Variants in CNTNAP2 observed in about 807,000 individuals in gnomAD.
CNTNAP2 encodes contactin associated protein 2.
CNTNAP2 carries 98 observed loss-of-function variants against 155.2 expected under a neutral mutation model. That is an observed-to-expected ratio of 0.63 (90% CI 0.54 to 0.75). The LOEUF is 0.75. Ranked by LOEUF, CNTNAP2 falls within the 30% of genes least tolerant of loss-of-function variation. The pLI, the probability that CNTNAP2 is intolerant of heterozygous loss-of-function variation, is 0.00. For synonymous variants in CNTNAP2, 651 were observed against 631.2 expected, an observed-to-expected ratio of 1.03 and a Z score of -0.47; for missense variants, 1,727 against 1,688.1, an observed-to-expected ratio of 1.02 and a Z score of -0.40.
At chr7:148,084,641 A>G (rs1176243556) in intron 15 of CNTNAP2, among the ~76,000 whole-genome samples, 1 of 152,194 alleles carries the variant, frequency 6.6e-6, no homozygotes, top group Non-Finnish European at 1.5e-5. Context: ...CTGAAATTAT[A>G]TTACTTGCTT....
chr7:146,277,667 C>T lies in CNTNAP2; in HGVS notation c.97+160694C>T, dbSNP rs556760301. ...TATATTTGTTTAATCTTACAGGAAA[C>T]TTCCCATCATTTCCTAAGGCTGAAA... On this transcript the variant is annotated intron_variant, in intron 1 of 23. Transcript: ENST00000361727. 2.0e-3 allele frequency among the ~76,000 whole-genome samples: 307 copies of T among 152,250 alleles called. 3 individuals are homozygous for T. The highest frequency in any genetic ancestry group is 6.9e-3 in the African/African-American group (288 of 41,542).
chr7:147,930,609 T>C (rs1800483475), intron 14 of CNTNAP2, among the ~76,000 whole-genome samples: 1 of 152,062 alleles, frequency 6.6e-6, no homozygotes. Context: ...AAGAAAGAAA[T>C]ACAATATTAG....
At chr7:147,867,611 A>C (rs1435477714) in intron 13 of CNTNAP2, among the ~76,000 whole-genome samples, 1 of 152,080 alleles carries the variant, frequency 6.6e-6, no homozygotes, top group Non-Finnish European at 1.5e-5. Flanking sequence ...TGGTCTTTTC[A>C]CATAGTCCCA....
chr7:146,911,080 G>A (rs940561779), intron 3 of CNTNAP2, among the ~76,000 whole-genome samples: 1 of 152,064 alleles, frequency 6.6e-6, no homozygotes, highest in Non-Finnish European at 1.5e-5. Context: ...GGCCATCAGA[G>A]AAATGCAAAT....
At chr7:147,117,063 G>T (rs1034744447) in intron 5 of CNTNAP2, among the ~76,000 whole-genome samples, 3 of 152,128 alleles carry the variant, frequency 2.0e-5, no homozygotes, top group Admixed American at 2.0e-4. Context: ...TTCTTGTAGG[G>T]TGCCATGGAA....
chr7:147,786,011 G>T (rs535253412), intron 13 of CNTNAP2, among the ~76,000 whole-genome samples: 2 of 150,912 alleles, frequency 1.3e-5, no homozygotes, highest in Admixed American at 6.6e-5. Flanking sequence ...GAAAAGAAAG[G>T]CCAGGCACGG....
intron 10 of CNTNAP2, among the ~76,000 whole-genome samples, chr7:147,472,204 C>CTTTTTTTTTTTTTTTTTTTTTTTTTTTTT (rs542047274): frequency 2.5e-5 from 2 of 81,068 alleles, no homozygotes; most frequent in African/African-American, 1.0e-4. Flanking sequence ...TCTTTTTTTC[C>CTTTTTTTTTTTTTTTTTTTTTTTTTTTTT]TTTTTTTTTT....
At chr7:147,768,593 A>C (rs1460425411) in intron 13 of CNTNAP2, among the ~76,000 whole-genome samples, 1 of 152,108 alleles carries the variant, frequency 6.6e-6, no homozygotes, top group Non-Finnish European at 1.5e-5. Flanking sequence ...TTAAAATAGC[A>C]TTTCTTTAAA....
chr7:148,251,039 A>G (rs778258379), intron 20 of CNTNAP2, among the ~76,000 whole-genome samples: 2 of 152,044 alleles, frequency 1.3e-5, no homozygotes, highest in African/African-American at 2.4e-5. Context: ...CCCTTGTTCT[A>G]TTATTACCTC....
chr7:147,441,723 T>A (rs1797637977), intron 10 of CNTNAP2, among the ~76,000 whole-genome samples: 1 of 152,076 alleles, frequency 6.6e-6, no homozygotes, highest in Non-Finnish European at 1.5e-5. Flanking sequence ...ATCTTGATCG[T>A]CTTAAAGAAG....
At chr7:147,733,172 C>A (rs948528164) in intron 13 of CNTNAP2, among the ~76,000 whole-genome samples, 1 of 152,196 alleles carries the variant, frequency 6.6e-6, no homozygotes, top group Non-Finnish European at 1.5e-5. Context: ...TTAGGTCTAA[C>A]ATTTAAGTCT....
intron 12 of CNTNAP2, among the ~76,000 whole-genome samples, chr7:147,579,190 T>C (rs1312657869): frequency 6.6e-6 from 1 of 152,094 alleles, no homozygotes; most frequent in Non-Finnish European, 1.5e-5. Flanking sequence ...TGGGGTTTTA[T>C]CAGATAGCAG....
At chr7:147,049,223 A>T (rs10231633) in intron 4 of CNTNAP2, among the ~76,000 whole-genome samples, 30,683 of 152,190 alleles carry the variant, frequency 0.2, 3,342 homozygotes, top group East Asian at 0.35. Context: ...CATTCATACC[A>T]CAGCGTACAC....
chr7:147,857,827 A>G (rs192350388), intron 13 of CNTNAP2, among the ~76,000 whole-genome samples: 8 of 152,346 alleles, frequency 5.3e-5, no homozygotes, highest in African/African-American at 1.7e-4. Flanking sequence ...TCTCTAATAC[A>G]AATTACATTC....
intron 3 of CNTNAP2, among the ~76,000 whole-genome samples, chr7:146,841,065 C>G (rs759460684): frequency 6.6e-6 from 1 of 152,182 alleles, no homozygotes; most frequent in African/African-American, 2.4e-5. Context: ...AAGTGCTTAT[C>G]AAGCCTGAAT....
At chr7:148,364,689 T>C (rs929091821) in intron 21 of CNTNAP2, among the ~76,000 whole-genome samples, 1 of 152,180 alleles carries the variant, frequency 6.6e-6, no homozygotes, top group African/African-American at 2.4e-5. Context: ...GCTCAGGGAT[T>C]GTAAACGCAC....
chr7:147,996,547 A>C (rs1801807747), intron 15 of CNTNAP2, among the ~76,000 whole-genome samples: 1 of 152,208 alleles, frequency 6.6e-6, no homozygotes, highest in Admixed American at 6.5e-5. Flanking sequence ...CCTCATCTGT[A>C]AAATAGAAAT....
chr7:147,991,134 A>C (rs1801704524), intron 15 of CNTNAP2, among the ~76,000 whole-genome samples: 1 of 152,164 alleles, frequency 6.6e-6, no homozygotes, highest in Non-Finnish European at 1.5e-5. Flanking sequence ...ACCTGGGACA[A>C]AGACCAAATT....
chr7:146,408,955 A>G (rs1164095289), intron 1 of CNTNAP2, among the ~76,000 whole-genome samples: 2 of 152,140 alleles, frequency 1.3e-5, no homozygotes, highest in Non-Finnish European at 2.9e-5. Flanking sequence ...TTAGCTTCAG[A>G]ACCCAGCCTT....
Sources: gnomAD v4.1 joint callset for allele counts (sites outside exome capture counted in the v4.1 genomes callset) on GRCh38, gnomAD v4.1.1 for gene constraint, MANE v1.5 for transcripts, NCBI Gene and HGNC (gene_info 2026-07-23, HGNC 2026-07-21) for gene names.